Variants in SORCS2 observed in about 807,000 individuals in gnomAD.
The protein encoded by SORCS2 is VPS10 domain-containing receptor SorCS2.
A neutral mutation model predicts 141.6 loss-of-function variants in SORCS2; 100 were observed. The observed-to-expected ratio is 0.71, with a 90% CI of 0.60 to 0.83. The LOEUF (loss-of-function observed/expected upper bound fraction) is 0.83, where lower values mean the gene tolerates loss of function less well. SORCS2 is among the 40% of genes least tolerant of loss of function. SORCS2 has a pLI of 0.00. For synonymous variants in SORCS2, 789 were observed against 676.9 expected (o/e 1.17, Z -2.57); for missense variants, 1,646 against 1,560.2 (o/e 1.05, Z -0.93).
At chr4:7,516,774 T>G (rs1733010833) in intron 2 of SORCS2, among the ~76,000 whole-genome samples, 1 of 152,136 alleles carries the variant, frequency 6.6e-6, no homozygotes, top group Non-Finnish European at 1.5e-5. Context: ...CTCGGCATGG[T>G]CCTAGCTGCC....
intron 9 of SORCS2, among the ~76,000 whole-genome samples, chr4:7,679,400 G>A (rs1266655326): frequency 6.6e-6 from 1 of 152,196 alleles, no homozygotes; most frequent in Non-Finnish European, 1.5e-5. Flanking sequence ...TAATACCCAG[G>A]CCCTGCAATG....
intron 3 of SORCS2, among the ~76,000 whole-genome samples, chr4:7,554,458 G>C (rs1713956743): frequency 6.6e-6 from 1 of 152,044 alleles, no homozygotes; most frequent in Admixed American, 6.6e-5. Context: ...ACACTCATTG[G>C]CCCTCCCCCA....
rs949853077 is a variant in SORCS2, at chr4:7,382,725, A to G, written c.481-13563A>G. 8.8e-5 allele frequency among the ~76,000 whole-genome samples: 13 copies of G among 147,882 alleles called. No homozygotes were observed. In the South Asian group the frequency reaches 2.8e-3, roughly 32 times the overall value. ...TTGAGAATCAGCGTACGGGGGCTGGAGGGGATGGTCTGCAGGTCTGGGGGG... is the reference window on the plus strand; with the variant it reads ...TTGAGAATCAGCGTACGGGGGCTGGGGGGGATGGTCTGCAGGTCTGGGGGG... On this transcript the variant is annotated intron_variant, in intron 1 of 26. Coordinates refer to ENST00000507866, the MANE Select transcript of SORCS2 (RefSeq NM_020777.3).
intron 13 of SORCS2, among the ~76,000 whole-genome samples, chr4:7,703,629 G>A (rs1053442232): frequency 6.6e-6 from 1 of 152,180 alleles, no homozygotes; most frequent in African/African-American, 2.4e-5. Context: ...GGAGCAGGGA[G>A]GGCCTTCCCC....
chr4:7,713,635 G>A (rs1219251269), intron 15 of SORCS2, among the ~76,000 whole-genome samples: 1 of 152,130 alleles, frequency 6.6e-6, no homozygotes, highest in Non-Finnish European at 1.5e-5. Flanking sequence ...GGGGCAGTGG[G>A]GGATGAGGAA....
intron 1 of SORCS2, among the ~76,000 whole-genome samples, chr4:7,256,613 G>A (rs1313327036): frequency 3.3e-5 from 5 of 151,726 alleles, no homozygotes; most frequent in South Asian, 2.1e-4. Context: ...TATGCCCTCC[G>A]GCTCGGAGCC....
chr4:7,592,025 G>A (rs1337291781), intron 3 of SORCS2, among the ~76,000 whole-genome samples: 1 of 152,146 alleles, frequency 6.6e-6, no homozygotes, highest in Non-Finnish European at 1.5e-5. Context: ...AATTGGCAGA[G>A]CAGCTAGGAA....
chr4:7,465,415 G>C (rs1946714881), intron 2 of SORCS2, among the ~76,000 whole-genome samples: 1 of 152,178 alleles, frequency 6.6e-6, no homozygotes, highest in African/African-American at 2.4e-5. Flanking sequence ...GGCTGGGAGG[G>C]GAGGGTGAGT....
chr4:7,514,232 G>A (rs555763832), intron 2 of SORCS2, among the ~76,000 whole-genome samples: 218 of 152,240 alleles, frequency 1.4e-3, no homozygotes, highest in Non-Finnish European at 2.5e-3. Context: ...GGGTTGCTGC[G>A]TACAGCATCG....
At chr4:7,645,319 A>C (rs1721003410) in intron 4 of SORCS2, among the ~76,000 whole-genome samples, 1 of 152,194 alleles carries the variant, frequency 6.6e-6, no homozygotes, top group Non-Finnish European at 1.5e-5. Context: ...CAGTCCTGTG[A>C]GCTCAAGTCT....
chr4:7,532,459 C>A (rs1479340951), intron 3 of SORCS2, among the ~76,000 whole-genome samples: 2 of 152,258 alleles, frequency 1.3e-5, no homozygotes, highest in African/African-American at 4.8e-5. Context: ...ACACAGGCCC[C>A]TGTGCTCAGC....
At chr4:7,636,917 G>A (rs1720294464) in intron 3 of SORCS2, among the ~76,000 whole-genome samples, 1 of 152,084 alleles carries the variant, frequency 6.6e-6, no homozygotes, top group Non-Finnish European at 1.5e-5. Flanking sequence ...GGGGCTCAGA[G>A]GGACCCTTCG....
At chr4:7,472,776 T>C (rs1187012315) in intron 2 of SORCS2, among the ~76,000 whole-genome samples, 1 of 152,302 alleles carries the variant, frequency 6.6e-6, no homozygotes, top group East Asian at 1.9e-4. Flanking sequence ...ATTATGTTTG[T>C]AATTGACTCC....
chr4:7,400,643 A>G (rs1724515654), intron 2 of SORCS2, among the ~76,000 whole-genome samples: 1 of 152,230 alleles, frequency 6.6e-6, no homozygotes, highest in Admixed American at 6.5e-5. Context: ...GGGTGGATGG[A>G]TGAATGGACA....
chr4:7,445,183 G>C (rs1272879082), intron 2 of SORCS2, among the ~76,000 whole-genome samples: 1 of 152,208 alleles, frequency 6.6e-6, no homozygotes, highest in Non-Finnish European at 1.5e-5. Flanking sequence ...ACCTGGTGAG[G>C]GTGAGAGTCT....
At chr4:7,694,050 T>C (rs949202606) in intron 11 of SORCS2, among the ~76,000 whole-genome samples, 2 of 152,238 alleles carry the variant, frequency 1.3e-5, no homozygotes, top group Non-Finnish European at 2.9e-5. Flanking sequence ...TCGGGAGCCA[T>C]TGGCGTCTGC....
intron 10 of SORCS2, among the ~76,000 whole-genome samples, chr4:7,686,524 C>T (rs1402246608): frequency 8.0e-6 from 1 of 124,610 alleles, no homozygotes; most frequent in South Asian, 2.6e-4. Context: ...GGGCCCACCT[C>T]GGTCAACACT....
At chr4:7,421,945 T>G (rs761391661) in intron 2 of SORCS2, among the ~76,000 whole-genome samples, 1 of 150,686 alleles carries the variant, frequency 6.6e-6, no homozygotes, top group Non-Finnish European at 1.5e-5. Flanking sequence ...CCCTCCCCCA[T>G]GGTCGACCTT....
At chr4:7,634,957 A>G (rs549957490) in intron 3 of SORCS2, among the ~76,000 whole-genome samples, 2 of 152,352 alleles carry the variant, frequency 1.3e-5, no homozygotes, top group East Asian at 1.9e-4. Context: ...AGAGCTCACT[A>G]GGTCATCCAG....
Sources: allele counts gnomAD v4.1 joint callset (sites outside exome capture counted in the v4.1 genomes callset), GRCh38; gene constraint gnomAD v4.1.1; transcripts MANE v1.5; gene names NCBI Gene and HGNC (gene_info 2026-07-23, HGNC 2026-07-21).